Variants in MYBPC1 observed in about 807,000 individuals in gnomAD.
MYBPC1 encodes the protein myosin-binding protein C, slow-type.
Under a neutral mutation model 147.1 loss-of-function variants are expected in MYBPC1, and 52 were observed. The ratio of observed to expected loss-of-function variants is 0.35; its 90% CI spans 0.28 to 0.45. The LOEUF (loss-of-function observed/expected upper bound fraction) is 0.45. Ranked by LOEUF, MYBPC1 falls within the 20% of genes least tolerant of loss-of-function variation. MYBPC1 has a pLI of 1.00. For missense variants in MYBPC1, 1,228 were observed against 1,440.3 expected (o/e 0.85, Z 2.39); for synonymous variants, 477 against 475.9 (o/e 1.00, Z -0.03).
At chr12:101,644,094 T>C (rs1360792600) in intron 11 of MYBPC1, among the ~76,000 whole-genome samples, 2 of 152,184 alleles carry the variant, frequency 1.3e-5, no homozygotes, top group Non-Finnish European at 2.9e-5. Flanking sequence ...GAGTGTGCAG[T>C]GGCATGATCT....
chr12:101,647,950 T>C, intron 13 of MYBPC1, 95 bp from the exon 14 acceptor site: 1 of 973,990 alleles, frequency 1.0e-6, no homozygotes, highest in Admixed American at 1.8e-5. Context: ...AGATGTTGCT[T>C]TCTCACTGTT....
At chr12:101,623,983 T>C (rs1887998200) in intron 3 of MYBPC1, among the ~76,000 whole-genome samples, 1 of 152,206 alleles carries the variant, frequency 6.6e-6, no homozygotes. Context: ...CAAAATGAAC[T>C]AAGTTTGGGA....
intron 3 of MYBPC1, among the ~76,000 whole-genome samples, chr12:101,625,107 A>G (rs1490397729): frequency 6.6e-6 from 1 of 152,088 alleles, no homozygotes; most frequent in Non-Finnish European, 1.5e-5. Context: ...GTCTGACCAT[A>G]CATCACTGTG....
In MYBPC1 at chr12:101,651,132, A is replaced by G. The variant is rs1894352893; in HGVS notation, c.1364-99A>G. On this transcript the variant is annotated intron_variant, in intron 15 of 31. Coordinates refer to ENST00000361466, the MANE Select transcript of MYBPC1 (RefSeq NM_002465.4). ...GGTACAGCTTCTCACTTTCAAAACAAACATTGTAGTAGAGCTCACTATACC... is the reference window on the plus strand; with the variant it reads ...GGTACAGCTTCTCACTTTCAAAACAGACATTGTAGTAGAGCTCACTATACC... 1.2e-5 allele frequency: 15 copies of G among 1,298,978 alleles called. No individual in the cohort carries two copies. The South Asian group carries it at 1.7e-4, about 14-fold the overall frequency. The allele number at this position is 1,298,978 out of a possible 1,614,324, so 80.5% of individuals were successfully genotyped here. A position where few individuals can be genotyped will look rare whatever the true frequency, so the allele number is the denominator to read the frequency against.
At chr12:101,675,233 C>T (rs992857288) in intron 25 of MYBPC1, 59 bp from the exon 26 acceptor site, 2 of 1,605,476 alleles carry the variant, frequency 1.2e-6, no homozygotes, top group Non-Finnish European at 8.5e-7. Flanking sequence ...CCTCATGAAA[C>T]AAAATGTAGA....
In MYBPC1 at chr12:101,646,838, T is replaced by C. The variant is rs753132600; in HGVS notation, c.1041T>C (p.Tyr347=). Residue 347 remains tyrosine (Y), a synonymous_variant, in exon 13 of 32, where the codon TAT becomes TAC. Coordinates refer to ENST00000361466, the MANE Select transcript of MYBPC1 (RefSeq NM_002465.4). ...NNCQMTDDSE[Y]YVTAGDEKCS... The stretch of plus-strand genomic sequence containing the variant: ...GTCAGATGACAGATGATTCAGAGTA[T>C]TATGTGACAGCCGGTGATGAGAAAT... 6.2e-7 allele frequency: 1 copy of C among 1,613,968 alleles called. No homozygotes were observed. Among genetic ancestry groups the C allele is most frequent in the Non-Finnish European group, 8.5e-7 (1 of 1,179,838 alleles).
chr12:101,644,881 G>T (rs1346669674), intron 12 of MYBPC1, 85 bp downstream of exon 12: 11 of 1,286,218 alleles, frequency 8.6e-6, no homozygotes, highest in Non-Finnish European at 1.2e-5. Context: ...AGAATAAAAG[G>T]ATATTTATAT....
chr12:101,646,250 A>G lies in MYBPC1; in HGVS notation c.966-513A>G, dbSNP rs552686884. On this transcript the variant is annotated intron_variant, in intron 12 of 31. Coordinates refer to ENST00000361466, the MANE Select transcript of MYBPC1 (RefSeq NM_002465.4). ...AATTATAATGGAAATTAAATAGTAT[A>G]TATAAATATGCTTATACATTAAGTA... Among the ~76,000 whole-genome samples, 3 of 152,250 alleles carry G rather than the reference A, an allele frequency of 2.0e-5. No individual in the cohort carries two copies. In the East Asian group the frequency reaches 5.8e-4, roughly 29 times the overall value.
intron 1 of MYBPC1, among the ~76,000 whole-genome samples, chr12:101,611,540 C>T (rs530682955): frequency 1.3e-5 from 2 of 152,234 alleles, no homozygotes; most frequent in South Asian, 2.1e-4. Context: ...GATGTCCAAC[C>T]ACCAAAAGAA....
At chr12:101,681,961 T>C (rs994898048) in intron 29 of MYBPC1, among the ~76,000 whole-genome samples, 7 of 151,942 alleles carry the variant, frequency 4.6e-5, no homozygotes, top group South Asian at 4.2e-4. Flanking sequence ...CAATTCATAA[T>C]TGAGTGAAAG....
At chr12:101,636,909 A>G (rs1347983159) in intron 10 of MYBPC1, 181 bp downstream of exon 10, 1 of 601,250 alleles carries the variant, frequency 1.7e-6, no homozygotes, top group African/African-American at 1.9e-5. Flanking sequence ...CTAATCTTTT[A>G]AAGCCTTTAA....
chr12:101,608,969 G>A (rs1883285266), intron 1 of MYBPC1, among the ~76,000 whole-genome samples: 1 of 152,126 alleles, frequency 6.6e-6, no homozygotes, highest in Admixed American at 6.5e-5. Flanking sequence ...GACGGTTATG[G>A]ATTTCTTGGC....
intron 19 of MYBPC1, chr12:101,660,051 G>C (rs1031053895): frequency 4.1e-5 from 24 of 589,702 alleles, no homozygotes; most frequent in Non-Finnish European, 6.9e-5. Context: ...TTCCCTTTTG[G>C]TGCCCTTTAA....
intron 10 of MYBPC1, among the ~76,000 whole-genome samples, chr12:101,640,945 T>C (rs931560972): frequency 1.6e-4 from 25 of 151,710 alleles, no homozygotes; most frequent in Non-Finnish European, 3.4e-4. Flanking sequence ...TGAAATCCCA[T>C]CTCTACTAAA....
chr12:101,620,381 G>A (rs954178399), intron 3 of MYBPC1, among the ~76,000 whole-genome samples: 1 of 152,172 alleles, frequency 6.6e-6, no homozygotes, highest in East Asian at 1.9e-4. Context: ...ATTCTAGCAC[G>A]TATTTATTCA....
chr12:101,596,920 G>A (rs969131622), intron 1 of MYBPC1, among the ~76,000 whole-genome samples: 2 of 152,194 alleles, frequency 1.3e-5, no homozygotes, highest in African/African-American at 2.4e-5. Flanking sequence ...TCTTTGGTTA[G>A]TGTAAATTTG....
At chr12:101,638,614 A>G (rs879101325) in intron 10 of MYBPC1, among the ~76,000 whole-genome samples, 5 of 152,226 alleles carry the variant, frequency 3.3e-5, no homozygotes, top group Admixed American at 6.5e-5. Context: ...ACAAACACAT[A>G]CACAATCAAT....
In MYBPC1 at chr12:101,649,250, C is replaced by G. The variant is rs756010261; in HGVS notation, c.1197-10C>G. 6.2e-7 allele frequency: 1 copy of G among 1,610,098 alleles called. No homozygotes were observed. Among genetic ancestry groups the G allele is most frequent in the Non-Finnish European group, 8.5e-7 (1 of 1,176,616 alleles). ...TTTACAAACCTTTTTAATATTTTAT[C>G]TTAATTCAGGTTTAAGAATGGTGAA... is the stretch of plus-strand genomic sequence containing the variant. On this transcript the variant is annotated splice_polypyrimidine_tract_variant and intron_variant, in intron 14 of 31. Transcript: ENST00000361466.
At chr12:101,626,588 T>C (rs1444361164) in intron 3 of MYBPC1, among the ~76,000 whole-genome samples, 1 of 152,232 alleles carries the variant, frequency 6.6e-6, no homozygotes, top group African/African-American at 2.4e-5. Context: ...TAGCATTCAT[T>C]TTTTCCTAAC....
Sources: gnomAD v4.1 joint callset for allele counts (sites outside exome capture counted in the v4.1 genomes callset) on GRCh38, gnomAD v4.1.1 for gene constraint, MANE v1.5 for transcripts, NCBI Gene and HGNC (gene_info 2026-07-23, HGNC 2026-07-21) for gene names.